PRELID2: variants seen among roughly 807,000 people sequenced by gnomAD.
PRELID2 encodes the protein PRELI domain-containing protein 2.
PRELID2 carries 25 observed loss-of-function variants against 28.4 expected under a neutral mutation model. That is an observed-to-expected ratio of 0.88 (90% CI 0.64 to 1.23). The LOEUF is 1.23. Ranked by LOEUF, PRELID2 falls within the 50% of genes most tolerant of loss-of-function variation. PRELID2 has a pLI of 0.00. For missense variants in PRELID2, 201 were observed against 214.4 expected, an observed-to-expected ratio of 0.94 and a Z score of 0.39; for synonymous variants, 76 against 71.6, an observed-to-expected ratio of 1.06 and a Z score of -0.31.
intron 1 of PRELID2, among the ~76,000 whole-genome samples, chr5:145,648,073 G>A (rs551352986): frequency 6.6e-6 from 1 of 152,298 alleles, no homozygotes; most frequent in African/African-American, 2.4e-5. Context: ...GGTAAGGAAT[G>A]AGTATAATTA....
intron 1 of PRELID2, among the ~76,000 whole-genome samples, chr5:145,548,858 C>T (rs775890056): frequency 6.6e-6 from 1 of 152,162 alleles, no homozygotes; most frequent in African/African-American, 2.4e-5. Flanking sequence ...GAATAAGGCC[C>T]AAGGCTCCTA....
At chr5:145,319,801 A>C in the PRELID2 span, among the ~76,000 whole-genome samples, 3 of 152,234 alleles carry the variant, frequency 2.0e-5, no homozygotes, top group African/African-American at 7.2e-5. Context: ...CTTGAAGCTG[A>C]GCACAACTCT....
chr5:145,416,584 A>T, the PRELID2 span, among the ~76,000 whole-genome samples: 4 of 152,146 alleles, frequency 2.6e-5, no homozygotes, highest in Non-Finnish European at 4.4e-5. Flanking sequence ...GAAATCAGGA[A>T]GTTCTTTGAA....
the PRELID2 span, among the ~76,000 whole-genome samples, chr5:145,413,888 G>A: frequency 6.6e-6 from 1 of 151,920 alleles, no homozygotes; most frequent in Non-Finnish European, 1.5e-5. Context: ...CTTTTTTTAA[G>A]ACTGAATCAT....
intron 1 of PRELID2, among the ~76,000 whole-genome samples, chr5:145,547,564 T>C (rs1381312438): frequency 6.6e-6 from 1 of 152,212 alleles, no homozygotes; most frequent in Admixed American, 6.5e-5. Flanking sequence ...TCAGCCTGTG[T>C]TCTCTTGCAA....
At chr5:145,258,946 C>G in the PRELID2 span, among the ~76,000 whole-genome samples, 1 of 152,178 alleles carries the variant, frequency 6.6e-6, no homozygotes, top group Non-Finnish European at 1.5e-5. Context: ...CCCTGCCACC[C>G]TGTGCAGTCT....
the PRELID2 span, among the ~76,000 whole-genome samples, chr5:145,308,203 CCCAAATG>C: frequency 3.9e-5 from 6 of 152,130 alleles, no homozygotes; most frequent in Non-Finnish European, 8.8e-5. Context: ...AAGCGTAGAA[CCCAAATG>C]CCCAGCAGTC....
chr5:145,264,476 A>AT, the PRELID2 span, among the ~76,000 whole-genome samples: 5 of 152,302 alleles, frequency 3.3e-5, no homozygotes, highest in Admixed American at 1.3e-4. Context: ...CAAAATAGGC[A>AT]TAAAAAGCAC....
At chr5:145,637,463 T>C (rs913261806) in intron 1 of PRELID2, among the ~76,000 whole-genome samples, 2 of 151,938 alleles carry the variant, frequency 1.3e-5, no homozygotes, top group East Asian at 1.9e-4. Context: ...CTCTGTTTTC[T>C]CCTTGGAATA....
the PRELID2 span, among the ~76,000 whole-genome samples, chr5:145,269,789 T>C: frequency 1.3e-5 from 2 of 149,316 alleles, no homozygotes; most frequent in South Asian, 2.1e-4. Context: ...TAAAACAGCA[T>C]TGATAGAAAT....
the PRELID2 span, among the ~76,000 whole-genome samples, chr5:145,273,359 G>A: frequency 1.3e-5 from 2 of 152,010 alleles, no homozygotes; most frequent in Admixed American, 1.3e-4. Context: ...CAACCCTCCA[G>A]TTCACCACCC....
At chr5:145,436,179 T>A in the PRELID2 span, among the ~76,000 whole-genome samples, 1 of 152,160 alleles carries the variant, frequency 6.6e-6, no homozygotes, top group Non-Finnish European at 1.5e-5. Context: ...ATAAGTGACA[T>A]GTGGCATTTT....
the PRELID2 span, among the ~76,000 whole-genome samples, chr5:145,409,185 T>C: frequency 5.3e-5 from 8 of 152,112 alleles, no homozygotes; most frequent in African/African-American, 1.9e-4. Context: ...AATATGCCAC[T>C]ACCAAGCCAG....
chr5:145,469,696 C>A (rs1752034364), downstream of PRELID2, among the ~76,000 whole-genome samples: 2 of 152,082 alleles, frequency 1.3e-5, no homozygotes, highest in African/African-American at 4.8e-5. Flanking sequence ...CTTCATCTGA[C>A]AAGTAGTCAA....
chr5:145,314,860 A>C, the PRELID2 span, among the ~76,000 whole-genome samples: 5 of 152,002 alleles, frequency 3.3e-5, no homozygotes, highest in African/African-American at 1.2e-4. Flanking sequence ...TAATTTACTC[A>C]TATTGCTTTT....
chr5:145,265,266 G>A, the PRELID2 span, among the ~76,000 whole-genome samples: 1 of 151,994 alleles, frequency 6.6e-6, no homozygotes, highest in Non-Finnish European at 1.5e-5. Context: ...AACCAAGGAG[G>A]TGAAAGACCT....
intron 1 of PRELID2, among the ~76,000 whole-genome samples, chr5:145,695,759 C>T (rs1755247604): frequency 1.3e-5 from 2 of 152,182 alleles, no homozygotes; most frequent in Non-Finnish European, 2.9e-5. Context: ...CAGCTGGCTT[C>T]TCCCCAGAAT....
chr5:145,831,404 C>A (rs1411343073), intron 1 of PRELID2, among the ~76,000 whole-genome samples: 1 of 152,172 alleles, frequency 6.6e-6, no homozygotes, highest in Admixed American at 6.5e-5. Flanking sequence ...ATGGAGTGGA[C>A]CCCTAAAAGA....
chr5:145,428,071 G>C, the PRELID2 span, among the ~76,000 whole-genome samples: 1 of 152,130 alleles, frequency 6.6e-6, no homozygotes, highest in African/African-American at 2.4e-5. Flanking sequence ...CGATTCTCCT[G>C]CCTCAGCATC....
Sources: gnomAD v4.1 joint callset for allele counts (sites outside exome capture counted in the v4.1 genomes callset) on GRCh38, gnomAD v4.1.1 for gene constraint, MANE v1.5 for transcripts, NCBI Gene and HGNC (gene_info 2026-07-23, HGNC 2026-07-21) for gene names.